Variants in ADAMTSL3 observed in about 807,000 individuals in gnomAD.
ADAMTSL3 encodes ADAMTS like 3.
In ADAMTSL3, 128 loss-of-function variants were observed where a neutral mutation model predicts 201.7. The ratio of observed to expected loss-of-function variants is 0.63; its 90% CI spans 0.55 to 0.73. ADAMTSL3 has a LOEUF of 0.73. ADAMTSL3 is among the 30% of genes least tolerant of loss of function. ADAMTSL3 has a pLI of 0.00. For synonymous variants in ADAMTSL3, 738 were observed against 748.4 expected (o/e 0.99, Z 0.23); for missense variants, 1,990 against 2,119.6 (o/e 0.94, Z 1.20).
In ADAMTSL3 at chr15:83,890,236, C is replaced by T. The variant is rs1894839048; in HGVS notation, c.1200C>T (p.Pro400=). The T allele has an allele frequency of 6.2e-7, 1 of 1,613,640 alleles. No individual in the cohort carries two copies. Among genetic ancestry groups the T allele is most frequent in the Non-Finnish European group, 8.5e-7 (1 of 1,179,750 alleles). Reference sequence around the variant, plus strand: ...AACTGAAGGAATGCAGCATGGATCCCTGCCCATCAAGGTTTGTGTCATTGT... The same window carrying T: ...AACTGAAGGAATGCAGCATGGATCCTTGCCCATCAAGGTTTGTGTCATTGT... ...KPKLKECSMD[P]CPSSDGFKEI... Residue 400 remains proline, a synonymous_variant, in exon 11 of 30, where the codon CCC becomes CCT. Transcript: ENST00000286744.
chr15:83,700,357 C>T (rs1257898748), intron 2 of ADAMTSL3, among the ~76,000 whole-genome samples: 2 of 152,204 alleles, frequency 1.3e-5, no homozygotes, highest in Admixed American at 1.3e-4. Flanking sequence ...CAGGAATAGT[C>T]ACTGTCAGAT....
intron 3 of ADAMTSL3, among the ~76,000 whole-genome samples, chr15:83,766,882 G>C (rs2062900705): frequency 6.6e-6 from 1 of 152,170 alleles, no homozygotes. Context: ...ATCACCTGAG[G>C]TCAGGAGTTC....
At position 83,654,970 on chromosome 15, in the gene ADAMTSL3, C is replaced by T. The variant is rs2061057654; in HGVS notation, c.-34+694C>T. On this transcript the variant is annotated intron_variant, in intron 1 of 29. Transcript: ENST00000286744. The surrounding 1 kb of genome is among the most constrained non-coding windows in gnomAD (Gnocchi z 5.3). ...CCCGGACACCAGCTCCGCCAAGGCG[C>T]CCGCGAGGCGAAGCGGGAGTCGAGT... Among the ~76,000 whole-genome samples, 2 of 151,652 alleles carry T rather than the reference C, an allele frequency of 1.3e-5. No individual in the cohort carries two copies. Among genetic ancestry groups the T allele is most frequent in the African/African-American group, 2.4e-5 (1 of 41,550 alleles).
intron 3 of ADAMTSL3, among the ~76,000 whole-genome samples, chr15:83,746,369 A>G (rs1390850799): frequency 6.6e-6 from 1 of 151,572 alleles, no homozygotes; most frequent in Admixed American, 6.5e-5. Context: ...TGAACACTAT[A>G]GTCTTGTTGA....
At chr15:83,832,620 CAGTT>C (rs1237072397) in intron 6 of ADAMTSL3, among the ~76,000 whole-genome samples, 1 of 152,164 alleles carries the variant, frequency 6.6e-6, no homozygotes, top group Non-Finnish European at 1.5e-5. Flanking sequence ...CCATGGGCAT[CAGTT>C]AGGCAGATTC....
intron 23 of ADAMTSL3, among the ~76,000 whole-genome samples, chr15:83,996,675 G>T (rs2067692355): frequency 6.6e-6 from 1 of 151,226 alleles, no homozygotes; most frequent in African/African-American, 2.4e-5. Context: ...CAGCTACTTG[G>T]GAGGCTGAGG....
intron 5 of ADAMTSL3, among the ~76,000 whole-genome samples, chr15:83,809,247 C>G (rs1256318231): frequency 6.6e-6 from 1 of 151,982 alleles, no homozygotes; most frequent in African/African-American, 2.4e-5. Context: ...ACGTTGTACC[C>G]CATAAATATG....
chr15:83,814,566 G>T (rs1285410857), intron 5 of ADAMTSL3, among the ~76,000 whole-genome samples: 3 of 152,108 alleles, frequency 2.0e-5, no homozygotes, highest in Non-Finnish European at 4.4e-5. Flanking sequence ...ATCCATCTGA[G>T]ATTTCACTTT....
chr15:83,782,071 T>C (rs2063178690), intron 4 of ADAMTSL3, among the ~76,000 whole-genome samples: 1 of 152,212 alleles, frequency 6.6e-6, no homozygotes, highest in Non-Finnish European at 1.5e-5. Context: ...CATTACTGGG[T>C]ATATATGCAA....
At chr15:83,657,899 C>A (rs560265626) in intron 2 of ADAMTSL3, among the ~76,000 whole-genome samples, 2 of 152,096 alleles carry the variant, frequency 1.3e-5, no homozygotes, top group Non-Finnish European at 2.9e-5. Context: ...CTGTTTTTTC[C>A]GTAGGGTCAG....
At chr15:83,909,881 G>T (rs1179328224) in intron 15 of ADAMTSL3, among the ~76,000 whole-genome samples, 1 of 152,132 alleles carries the variant, frequency 6.6e-6, no homozygotes, top group Non-Finnish European at 1.5e-5. Context: ...CTCCCAAAGT[G>T]CTGGGATTAT....
At chr15:84,012,988 A>C (rs2141890001) in intron 23 of ADAMTSL3, among the ~76,000 whole-genome samples, 1 of 152,336 alleles carries the variant, frequency 6.6e-6, no homozygotes, top group South Asian at 2.1e-4. Flanking sequence ...AACCCAGCCA[A>C]GATAGTGCTC....
intron 21 of ADAMTSL3, among the ~76,000 whole-genome samples, chr15:83,983,805 CT>C (rs2067431058): frequency 6.6e-6 from 1 of 152,124 alleles, no homozygotes; most frequent in Non-Finnish European, 1.5e-5. Flanking sequence ...GTTAACCTTT[CT>C]GATGAGGTAA....
chr15:83,739,190 A>G (rs1424348019), intron 3 of ADAMTSL3, among the ~76,000 whole-genome samples: 1 of 151,986 alleles, frequency 6.6e-6, no homozygotes, highest in Non-Finnish European at 1.5e-5. Flanking sequence ...ACATAAAATC[A>G]TGCAGAAGGA....
intron 28 of ADAMTSL3, among the ~76,000 whole-genome samples, chr15:84,032,126 A>G (rs747421960): frequency 6.6e-6 from 1 of 152,172 alleles, no homozygotes; most frequent in Non-Finnish European, 1.5e-5. Context: ...TTACTGTGTG[A>G]CCCTGGACTG....
chr15:83,749,013 A>T (rs2062596701), intron 3 of ADAMTSL3, among the ~76,000 whole-genome samples: 1 of 152,174 alleles, frequency 6.6e-6, no homozygotes, highest in South Asian at 2.1e-4. Context: ...AAGCAGGATG[A>T]GCAGTGGGAG....
intron 3 of ADAMTSL3, among the ~76,000 whole-genome samples, chr15:83,707,256 T>C (rs964691362): frequency 6.6e-6 from 1 of 152,352 alleles, no homozygotes; most frequent in African/African-American, 2.4e-5. Context: ...CTACCTTATG[T>C]AGGCGTTAAT....
At chr15:83,950,021 C>T (rs1246748468) in intron 19 of ADAMTSL3, among the ~76,000 whole-genome samples, 1 of 151,894 alleles carries the variant, frequency 6.6e-6, no homozygotes, top group Non-Finnish European at 1.5e-5. Context: ...TTCATGTGAT[C>T]CCATTTGTCC....
At chr15:83,851,948 G>C (rs1053330970) in intron 7 of ADAMTSL3, among the ~76,000 whole-genome samples, 1 of 152,090 alleles carries the variant, frequency 6.6e-6, no homozygotes, top group Non-Finnish European at 1.5e-5. Context: ...CAGGATGAAT[G>C]GTTGCTTCTA....
Sources: allele counts gnomAD v4.1 joint callset (sites outside exome capture counted in the v4.1 genomes callset), GRCh38; gene constraint gnomAD v4.1.1; non-coding constraint Gnocchi (gnomAD v3.1); transcripts MANE v1.5; gene names NCBI Gene and HGNC (gene_info 2026-07-23, HGNC 2026-07-21).